PTPRG: variants seen among roughly 807,000 people sequenced by gnomAD.
PTPRG encodes the protein protein tyrosine phosphatase receptor type G, also known as receptor-type tyrosine-protein phosphatase gamma.
PTPRG carries 102 observed loss-of-function variants against 165.3 expected under a neutral mutation model. The observed-to-expected ratio is 0.62, with a 90% confidence interval of 0.53 to 0.73. PTPRG has a LOEUF of 0.73. Ranked by LOEUF, PTPRG falls within the 30% of genes least tolerant of loss-of-function variation. The probability of loss-of-function intolerance (pLI) is 0.00; values close to 1 mark genes in which losing one functional copy is unlikely to be tolerated. For synonymous variants in PTPRG, 675 were observed against 669.5 expected, an observed-to-expected ratio of 1.01 and a Z score of -0.13; for missense variants, 1,866 against 1,861.4, an observed-to-expected ratio of 1.00 and a Z score of -0.05.
In PTPRG at chr3:61,623,620, C is replaced by T. The variant is rs558240077; in HGVS notation, c.85+61248C>T. On this transcript the variant is annotated intron_variant, in intron 1 of 29. Transcript: ENST00000474889. ...TTGCAACAGACTAGAGAATTTGGTT[C>T]TTAAGTGATATTATCTAAAATTGGG... 1.6e-3 allele frequency among the ~76,000 whole-genome samples: 241 copies of T among 152,188 alleles called. 1 individual carries two copies. Among genetic ancestry groups the T allele is most frequent in the African/African-American group, 5.6e-3 (231 of 41,526 alleles).
intron 2 of PTPRG, among the ~76,000 whole-genome samples, chr3:61,933,304 T>G (rs2039406453): frequency 6.6e-6 from 1 of 152,218 alleles, no homozygotes; most frequent in Non-Finnish European, 1.5e-5. Context: ...AGTGCTGATC[T>G]GTGATGGCAG....
chr3:61,621,483 T>C (rs553280482), intron 1 of PTPRG, among the ~76,000 whole-genome samples: 4 of 152,198 alleles, frequency 2.6e-5, no homozygotes, highest in Non-Finnish European at 5.9e-5. Flanking sequence ...AGCTCACCTC[T>C]TATGTTTTAC....
At chr3:61,673,697 G>A (rs1472522859) in intron 1 of PTPRG, among the ~76,000 whole-genome samples, 1 of 152,100 alleles carries the variant, frequency 6.6e-6, no homozygotes, top group African/African-American at 2.4e-5. Context: ...TCCACCACCC[G>A]AGTAATGTAC....
chr3:61,600,347 G>A (rs181378029), intron 1 of PTPRG, among the ~76,000 whole-genome samples: 1 of 152,040 alleles, frequency 6.6e-6, no homozygotes, highest in East Asian at 1.9e-4. Context: ...TTTGATTTCA[G>A]TCAAGCTCAG....
At chr3:62,003,646 A>G (rs1371226059) in intron 4 of PTPRG, 149 bp downstream of exon 4, 1 of 987,818 alleles carries the variant, frequency 1.0e-6, no homozygotes, top group Non-Finnish European at 1.4e-6. Flanking sequence ...ATAGTATGGC[A>G]GGTGGGTATC....
chr3:61,580,490 C>T (rs1559510863), intron 1 of PTPRG, among the ~76,000 whole-genome samples: 1 of 151,190 alleles, frequency 6.6e-6, no homozygotes, highest in Non-Finnish European at 1.5e-5. Context: ...AAGAGATTCT[C>T]CTGCCTCAGC....
Position 62,228,918 on chromosome 3 carries a change from T to C in PTPRG, c.2289-2307T>C, listed in dbSNP as rs1224905629. On this transcript the variant is annotated intron_variant, in intron 13 of 29. Coordinates refer to ENST00000474889, the MANE Select transcript of PTPRG (RefSeq NM_002841.4). This position sits in a 1 kb window ranked among gnomAD's most constrained non-coding sequence, Gnocchi z 4.1. ...AACAGACCATTTACTGGACCACAGG[T>C]ATTCTGGCATCATTTTTTTCTTTTA... 2.0e-5 allele frequency among the ~76,000 whole-genome samples: 3 copies of C among 152,248 alleles called. No individual in the cohort carries two copies. Among genetic ancestry groups the C allele is most frequent in the African/African-American group, 7.2e-5 (3 of 41,466 alleles).
chr3:61,736,955 C>A (rs769849201), intron 1 of PTPRG, among the ~76,000 whole-genome samples: 10 of 152,116 alleles, frequency 6.6e-5, no homozygotes, highest in Non-Finnish European at 1.3e-4. Flanking sequence ...TTCTTCATTG[C>A]CTTCTTAAGT....
At chr3:62,039,416 A>C (rs879278447) in intron 4 of PTPRG, among the ~76,000 whole-genome samples, 2 of 150,176 alleles carry the variant, frequency 1.3e-5, no homozygotes, top group African/African-American at 5.0e-5. Flanking sequence ...CAACAGGGGG[A>C]AAAAATATCT....
intron 8 of PTPRG, among the ~76,000 whole-genome samples, chr3:62,180,309 G>C (rs1705596684): frequency 1.3e-5 from 2 of 152,142 alleles, no homozygotes; most frequent in South Asian, 4.1e-4. Context: ...TATTTTAGGT[G>C]ACCCGCTGTT....
chr3:61,873,118 A>G (rs757415749), intron 2 of PTPRG, among the ~76,000 whole-genome samples: 8 of 152,268 alleles, frequency 5.3e-5, no homozygotes, highest in South Asian at 2.1e-4. Flanking sequence ...GAAGATTTCT[A>G]TGCTGTTAGG....
chr3:62,097,985 G>T (rs1017644759), intron 5 of PTPRG, among the ~76,000 whole-genome samples: 2 of 152,114 alleles, frequency 1.3e-5, no homozygotes, highest in African/African-American at 4.8e-5. Context: ...TGCTTTCCCA[G>T]GTTTGAAGAG....
At chr3:62,223,800 G>A (rs538502387) in intron 13 of PTPRG, among the ~76,000 whole-genome samples, 33 of 152,220 alleles carry the variant, frequency 2.2e-4, no homozygotes, top group African/African-American at 7.5e-4. Flanking sequence ...AAAATCAAAT[G>A]TACAGAGCTA....
chr3:62,107,324 G>T (rs11715357), intron 5 of PTPRG, among the ~76,000 whole-genome samples: 89,482 of 151,970 alleles, frequency 0.59, 26,915 homozygotes, highest in Middle Eastern at 0.66. Context: ...AGATTTTTGT[G>T]TCCCCAAGTT....
chr3:61,925,926 A>G (rs753791294), intron 2 of PTPRG: 2 of 491,018 alleles, frequency 4.1e-6, no homozygotes, highest in Admixed American at 4.2e-5. Flanking sequence ...GTGTTTCCAT[A>G]GGAACTCGAG....
At chr3:61,746,674 A>G (rs568321083) in intron 1 of PTPRG, among the ~76,000 whole-genome samples, 2 of 152,260 alleles carry the variant, frequency 1.3e-5, no homozygotes, top group African/African-American at 4.8e-5. Context: ...TGAATGCATC[A>G]CTGGGGCCAC....
chr3:61,759,127 T>G (rs1298176224), intron 2 of PTPRG, among the ~76,000 whole-genome samples: 2 of 152,196 alleles, frequency 1.3e-5, no homozygotes, highest in African/African-American at 2.4e-5. Context: ...TGACCCTGTT[T>G]GAGATCAGCT....
At chr3:61,963,412 A>G (rs955964951) in intron 2 of PTPRG, among the ~76,000 whole-genome samples, 5 of 152,186 alleles carry the variant, frequency 3.3e-5, no homozygotes, top group Non-Finnish European at 7.4e-5. Flanking sequence ...AAAAAATCAG[A>G]AAAAGATGCC....
intron 4 of PTPRG, among the ~76,000 whole-genome samples, chr3:62,011,374 C>G (rs2041420391): frequency 6.6e-6 from 1 of 152,168 alleles, no homozygotes; most frequent in Admixed American, 6.5e-5. Context: ...TTCATAGAGT[C>G]TCTGAAAAGT....
Sources: gnomAD v4.1 joint callset for allele counts (sites outside exome capture counted in the v4.1 genomes callset) on GRCh38, gnomAD v4.1.1 for gene constraint, Gnocchi (gnomAD v3.1) non-coding constraint, MANE v1.5 for transcripts, NCBI Gene and HGNC (gene_info 2026-07-23, HGNC 2026-07-21) for gene names.